Variants in NPHP4 observed in about 807,000 individuals in gnomAD.
NPHP4 encodes the protein nephrocystin 4.
NPHP4 carries 151 observed loss-of-function variants against 155.8 expected under a neutral mutation model. That is an observed-to-expected ratio of 0.97 (90% CI 0.85 to 1.11). The LOEUF (loss-of-function observed/expected upper bound fraction) is 1.11, where lower values mean the gene tolerates loss of function less well. NPHP4 is among the 50% of genes least tolerant of loss of function. The pLI, the probability that NPHP4 is intolerant of heterozygous loss-of-function variation, is 0.00. For missense variants in NPHP4, 1,956 were observed against 1,925.7 expected, an observed-to-expected ratio of 1.02 and a Z score of -0.29; for synonymous variants, 845 against 816.8, an observed-to-expected ratio of 1.03 and a Z score of -0.59.
At chr1:5,984,502 T>C (rs1655171674) in intron 2 of NPHP4, among the ~76,000 whole-genome samples, 1 of 151,938 alleles carries the variant, frequency 6.6e-6, no homozygotes, top group South Asian at 2.1e-4. Flanking sequence ...ACCACTGCAC[T>C]ACAGCCTGGG....
At chr1:5,866,232 C>A in intron 26 of NPHP4, 141 bp downstream of exon 26, 1 of 711,178 alleles carries the variant, frequency 1.4e-6, no homozygotes, top group Non-Finnish European at 2.6e-6. Context: ...GCAGCAGAAT[C>A]CCGCCTCACA....
chr1:5,974,188 G>A (rs1457918986), intron 3 of NPHP4, among the ~76,000 whole-genome samples: 1 of 152,216 alleles, frequency 6.6e-6, no homozygotes, highest in East Asian at 1.9e-4. Context: ...CTTTCTCATG[G>A]CTGTGATGAC....
Position 5,979,743 on chromosome 1 carries a change from T to C in NPHP4, c.136-1330A>G, listed in dbSNP as rs146335585. 8.9e-3 allele frequency among the ~76,000 whole-genome samples: 1,348 copies of C among 151,976 alleles called. 12 individuals carry two copies. The highest frequency in any genetic ancestry group is 0.03 in the African/African-American group (1,262 of 41,404). ...TTGCCAGGCTGGTCTTGATCTCCTG[T>C]CCTCAAGTGACCCGCCCGTCTCGGC... On this transcript the variant is annotated intron_variant, in intron 2 of 29. Coordinates refer to ENST00000378156, the MANE Select transcript of NPHP4 (RefSeq NM_015102.5).
chr1:5,942,587 CA>C (rs34438938), intron 9 of NPHP4, among the ~76,000 whole-genome samples: 17,616 of 82,516 alleles, frequency 0.21, 1,339 homozygotes, highest in African/African-American at 0.25. Flanking sequence ...TCATAAATGA[CA>C]AAAAAAAAAA....
chr1:5,947,468 C>T (rs932045553), intron 8 of NPHP4, among the ~76,000 whole-genome samples: 1 of 152,232 alleles, frequency 6.6e-6, no homozygotes, highest in Non-Finnish European at 1.5e-5. Flanking sequence ...GTCTCAAACT[C>T]CTGAGCTCAA....
Position 5,867,831 on chromosome 1 carries a change from G to A in NPHP4, c.3381C>T (p.Pro1127=), listed in dbSNP as rs1438932125. 1 of 1,613,786 alleles carries A rather than the reference G, an allele frequency of 6.2e-7. No homozygotes were observed. Among genetic ancestry groups the A allele is most frequent in the Non-Finnish European group, 8.5e-7 (1 of 1,179,874 alleles). Residue 1127 remains proline (P), a synonymous_variant, in exon 24 of 30, where the codon CCC becomes CCT. Transcript: ENST00000378156. This position sits in a 1 kb window ranked among gnomAD's most constrained non-coding sequence, Gnocchi z 4.1. The stretch of plus-strand genomic sequence containing the variant: ...AGCGGAAGACCTGGTCCACCACGTG[G>A]GGCTGCAGCTCCACAGTCAGGCAGA... The part of the protein sequence containing the change: ...AVLCLTVELQ[P]HVVDQVFRFY...
In NPHP4 at chr1:5,904,803, C is replaced by G. The variant is rs1644835961; in HGVS notation, c.1957G>C (p.Val653Leu). Residue 653 changes from valine (V) to leucine (L), a missense_variant and splice_region_variant, in exon 16 of 30, where the codon GTG becomes CTG. By Grantham distance (32) the Val-to-Leu change is conservative. Coordinates refer to ENST00000378156, the MANE Select transcript of NPHP4 (RefSeq NM_015102.5). ...MVLQFLAFSR[V>L]AQDCRGTSWP... ...GATGTTCCTCGGCAGTCCTGGGCCA[C>G]TCTGAATCCAACAACAGCTCTGGGT... 5 of 1,613,920 alleles carry G rather than the reference C, an allele frequency of 3.1e-6. No homozygotes were observed. The highest frequency in any genetic ancestry group is 3.4e-6 in the Non-Finnish European group (4 of 1,179,800).
In NPHP4 at chr1:5,889,894, C is replaced by G. The variant is rs956997303; in HGVS notation, c.2304+974G>C. Among the ~76,000 whole-genome samples the G allele has an allele frequency of 2.0e-5, 3 of 152,232 alleles. No homozygotes were observed. The highest frequency in any genetic ancestry group is 6.5e-5 in the Admixed American group (1 of 15,290). ...GTGCACAGCCCACCACCCTGGGGGG[C>G]ATCCCCCTCCTCTAGAAGTCACAGG... On this transcript the variant is annotated intron_variant, in intron 17 of 29. Transcript: ENST00000378156. This position sits in a 1 kb window ranked among gnomAD's most constrained non-coding sequence, Gnocchi z 4.2.
At chr1:5,909,514 C>G (rs960514938) in intron 11 of NPHP4, among the ~76,000 whole-genome samples, 1 of 152,172 alleles carries the variant, frequency 6.6e-6, no homozygotes, top group African/African-American at 2.4e-5. Context: ...CTCCCTAACA[C>G]GCTTCTCCTC....
Position 5,867,803 on chromosome 1 carries a change from A to C in NPHP4, c.3409T>G (p.Tyr1137Asp), listed in dbSNP as rs1456124099. Residue 1137 changes from tyrosine to aspartate, a missense_variant, in exon 24 of 30, where the codon TAT becomes GAT. Physicochemically the swap from Tyr to Asp is radical, Grantham distance 160. Transcript: ENST00000378156. The surrounding 1 kb of genome is among the most constrained non-coding windows in gnomAD (Gnocchi z 4.1). ...PHVVDQVFRF[Y>D]HPELSFLKKA... ...TTCAGGAAGGAGAGCTCCGGGTGAT[A>C]GAAGCGGAAGACCTGGTCCACCACG... is the stretch of plus-strand genomic sequence containing the variant. 1 of 1,612,976 alleles carries C rather than the reference A, an allele frequency of 6.2e-7. No individual in the cohort carries two copies. Among genetic ancestry groups the C allele is most frequent in the Non-Finnish European group, 8.5e-7 (1 of 1,179,800 alleles).
rs201069164 is a variant in NPHP4, at chr1:5,978,411, G to A, written c.138C>T (p.Gly46=). Residue 46 remains glycine, a splice_region_variant and synonymous_variant, in exon 3 of 30, where the codon GGC becomes GGT. Transcript: ENST00000378156. ...KWLDGPVIRQ[G]VLEVLSEVEC... is the part of the protein sequence containing the mutation. ...CAACCTCTGACAGTACCTCCAGCAC[G>A]CCCTAGGAGACAACGGGGAATTGAC... The A allele has an allele frequency of 3.2e-4, 510 of 1,601,344 alleles. No individual in the cohort carries two copies. The highest frequency in any genetic ancestry group is 1.6e-3 in the Admixed American group (92 of 58,318).
Position 5,905,363 on chromosome 1 carries a change from A to G in NPHP4, c.1884T>C (p.Phe628=). The change falls in exon 15 of 30, where the codon TTT becomes TTC. Residue 628 remains phenylalanine, a synonymous_variant. Transcript: ENST00000378156. This position sits in a 1 kb window ranked among gnomAD's most constrained non-coding sequence, Gnocchi z 4.0. ...EAVSATEPVT[F]NPQKEESDCL... is the part of the protein sequence containing the mutation. ...AATCTGATTCTTCCTTCTGAGGGTTAAACGTCACAGGTTCTGTAGCGCTGA... is the reference window on the plus strand; with the variant it reads ...AATCTGATTCTTCCTTCTGAGGGTTGAACGTCACAGGTTCTGTAGCGCTGA... 1.2e-6 allele frequency: 2 copies of G among 1,613,948 alleles called. No homozygotes were observed. The highest frequency in any genetic ancestry group is 1.7e-6 in the Non-Finnish European group (2 of 1,179,810).
At chr1:5,931,383 T>C (rs981406208) in intron 10 of NPHP4, among the ~76,000 whole-genome samples, 14 of 147,464 alleles carry the variant, frequency 9.5e-5, no homozygotes, top group South Asian at 6.4e-4. Context: ...AGTCAATAGG[T>C]GTGTAATAGC....
Position 5,947,156 on chromosome 1 carries a change from A to G in NPHP4, c.1067T>C (p.Val356Ala). ...PEMVGHPAFA[V>A]IFQLEYVFSS... ...GAACACGTACTCCAGCTGGAAGATG[A>G]CCGCAAATGCAGGGTGGCCGACCAT... Residue 356 changes from valine (V) to alanine (A), a missense_variant, in exon 9 of 30, where the codon GTC (valine) becomes GCC (alanine). Val to Ala is a moderately conservative substitution (Grantham distance 64, BLOSUM62 0). Transcript: ENST00000378156. The G allele has an allele frequency of 1.2e-6, 2 of 1,613,994 alleles. No homozygotes were observed. Among genetic ancestry groups the G allele is most frequent in the Non-Finnish European group, 1.7e-6 (2 of 1,179,876 alleles).
rs1166574277 is a variant in NPHP4 at position 5,912,706 on chromosome 1, T to C, written c.1442-3493A>G. 2.6e-5 allele frequency among the ~76,000 whole-genome samples: 4 copies of C among 152,112 alleles called. No individual in the cohort carries two copies. In the South Asian group the frequency reaches 8.3e-4, roughly 32 times the overall value. ...AGTAAATTAAATGTTAGTTTAACAGTCATTATAAGACACACCTGTAGGTCC... is the reference window on the plus strand; with the variant it reads ...AGTAAATTAAATGTTAGTTTAACAGCCATTATAAGACACACCTGTAGGTCC... On this transcript the variant is annotated intron_variant, in intron 11 of 29. Coordinates refer to ENST00000378156, the MANE Select transcript of NPHP4 (RefSeq NM_015102.5).
intron 1 of NPHP4, among the ~76,000 whole-genome samples, chr1:5,988,474 T>C (rs1169234624): frequency 6.6e-6 from 1 of 152,256 alleles, no homozygotes; most frequent in African/African-American, 2.4e-5. Flanking sequence ...AGTTGGTTTT[T>C]GTAAAAAATG....
At position 5,905,064 on chromosome 1, in the gene NPHP4, C is replaced by CGTGG. The variant is rs1243675608; in HGVS notation, c.1955+227_1955+228insCCAC. On this transcript the variant is annotated intron_variant, in intron 15 of 29. Transcript: ENST00000378156. This position sits in a 1 kb window ranked among gnomAD's most constrained non-coding sequence, Gnocchi z 4.0. ...TAAGATCTAAGACCTGGACAACCCA[C>CGTGG]CGTCCACATTTTAATGAAGGACCAC... 6.6e-6 allele frequency among the ~76,000 whole-genome samples: 1 copy of CGTGG among 152,190 alleles called. No homozygotes were observed. The highest frequency in any genetic ancestry group is 1.9e-4 in the East Asian group (1 of 5,198).
chr1:5,912,693 G>A lies in NPHP4; in HGVS notation c.1442-3480C>T, dbSNP rs142066786. ...CCATAAAACTTAAAGTAAATTAAAT[G>A]TTAGTTTAACAGTCATTATAAGACA... On this transcript the variant is annotated intron_variant, in intron 11 of 29. Coordinates refer to ENST00000378156, the MANE Select transcript of NPHP4 (RefSeq NM_015102.5). Among the ~76,000 whole-genome samples, 846 of 152,322 alleles carry A rather than the reference G, an allele frequency of 5.6e-3. 9 individuals are homozygous for A. The highest frequency in any genetic ancestry group is 0.018 in the African/African-American group (751 of 41,572).
chr1:5,914,959 A>C (rs541243354), intron 11 of NPHP4, among the ~76,000 whole-genome samples: 26 of 152,320 alleles, frequency 1.7e-4, no homozygotes, highest in African/African-American at 4.6e-4. Context: ...TCCTGGGCCT[A>C]GCTGTGCTGC....
Sources: gnomAD v4.1 joint callset for allele counts (sites outside exome capture counted in the v4.1 genomes callset) on GRCh38, gnomAD v4.1.1 for gene constraint, Gnocchi (gnomAD v3.1) non-coding constraint, MANE v1.5 for transcripts, NCBI Gene and HGNC (gene_info 2026-07-23, HGNC 2026-07-21) for gene names.